Variants in APCDD1L observed in about 807,000 individuals in gnomAD.
APCDD1L encodes the protein protein APCDD1-like.
APCDD1L carries 21 observed loss-of-function variants against 24.2 expected under a neutral mutation model. The ratio of observed to expected loss-of-function variants is 0.87; its 90% confidence interval spans 0.61 to 1.25. The LOEUF is 1.25. Among genes scored for constraint, APCDD1L ranks in the 50% most tolerant of loss-of-function variants. The pLI is 0.00. For synonymous variants in APCDD1L, 321 were observed against 323.6 expected, an observed-to-expected ratio of 0.99 and a Z score of 0.09; for missense variants, 704 against 711.7, an observed-to-expected ratio of 0.99 and a Z score of 0.12.
At chr20:58,470,871 G>A (rs1989799918) in intron 1 of APCDD1L, 124 bp from the exon 2 acceptor site, 1 of 1,356,864 alleles carries the variant, frequency 7.4e-7, no homozygotes, top group Non-Finnish European at 9.7e-7. Context: ...CTCCATCGCA[G>A]CCCCGTCCCC....
rs1202926171 is a variant in APCDD1L at position 58,497,111 on chromosome 20, G to A, written c.49+17548C>T. On this transcript the variant is annotated intron_variant, in intron 1 of 3. Transcript: ENST00000371149. The surrounding 1 kb of genome is among the most constrained non-coding windows in gnomAD (Gnocchi z 4.3). ...CAGCTCGAGAAAGACAGGGCTCCAG[G>A]GTCAGCAGCGTGGACACCAGAGGTC... Among the ~76,000 whole-genome samples, 3 of 152,008 alleles carry A rather than the reference G, an allele frequency of 2.0e-5. No individual in the cohort carries two copies. The East Asian group carries it at 5.8e-4, about 29-fold the overall frequency.
At position 58,467,328 on chromosome 20, in the gene APCDD1L, C is replaced by A. The variant is rs1355390385; in HGVS notation, c.519G>T (p.Leu173=). 6.6e-7 allele frequency: 1 copy of A among 1,508,948 alleles called. No individual in the cohort carries two copies. The highest frequency in any genetic ancestry group is 2.1e-5 in the Admixed American group (1 of 47,454). The allele number at this position is 1,508,948 out of a possible 1,614,324, so 93.5% of individuals were successfully genotyped here. A position where few individuals can be genotyped will look rare whatever the true frequency, so the allele number is the denominator to read the frequency against. ...GAGCCCGGGCGCTCCGCAGCTCGTACAGCGCCCCAGGCAGCCAGGCCCGGG... is the reference window on the plus strand; with the variant it reads ...GAGCCCGGGCGCTCCGCAGCTCGTAAAGCGCCCCAGGCAGCCAGGCCCGGG... ...PPARAWLPGA[L]YELRSARAQG... is the part of the protein sequence containing the mutation. Residue 173 remains leucine (L), a synonymous_variant, in exon 3 of 4, where the codon CTG becomes CTT. Coordinates refer to ENST00000371149, the MANE Select transcript of APCDD1L (RefSeq NM_153360.3). This position sits in a 1 kb window ranked among gnomAD's most constrained non-coding sequence, Gnocchi z 5.9.
intron 1 of APCDD1L, among the ~76,000 whole-genome samples, chr20:58,490,226 G>T (rs1600864874): frequency 6.6e-6 from 1 of 152,008 alleles, no homozygotes; most frequent in Admixed American, 6.6e-5. Context: ...TAAGTTTTTA[G>T]GATTATCAAA....
chr20:58,483,560 A>G (rs1385692159), intron 1 of APCDD1L, among the ~76,000 whole-genome samples: 2 of 152,232 alleles, frequency 1.3e-5, no homozygotes, highest in Admixed American at 6.5e-5. Context: ...ATTTTAAAAA[A>G]TAAGTTAAGT....
chr20:58,509,527 C>T (rs73918405), intron 1 of APCDD1L, among the ~76,000 whole-genome samples: 3,701 of 152,214 alleles, frequency 0.024, 81 homozygotes, highest in African/African-American at 0.059. Flanking sequence ...TGTTGTAAGA[C>T]GGGACTAACA....
rs1033108678 is a variant in APCDD1L at position 58,494,274 on chromosome 20, T to TCTTTTCTTTTCTTA, written c.49+20371_49+20384dup. 7.6e-6 allele frequency among the ~76,000 whole-genome samples: 1 copy of TCTTTTCTTTTCTTA among 132,032 alleles called. No individual in the cohort carries two copies. Among genetic ancestry groups the TCTTTTCTTTTCTTA allele is most frequent in the East Asian group, 3.4e-4 (1 of 2,956 alleles). The allele number at this position is 132,032 out of a possible 152,430, so 86.6% of individuals were successfully genotyped here. ...GGTCAACTGCATTTCTTTTTTCTTTTCTTTTCTTTTCTTACTTTTCTTTTC... is the reference window on the plus strand; with the variant it reads ...GGTCAACTGCATTTCTTTTTTCTTTTCTTTTCTTTTCTTACTTTTCTTTTCTTACTTTTCTTTTC... On this transcript the variant is annotated intron_variant, in intron 1 of 3. Transcript: ENST00000371149. This position sits in a 1 kb window ranked among gnomAD's most constrained non-coding sequence, Gnocchi z 4.8.
chr20:58,511,752 T>G (rs1351760709), intron 1 of APCDD1L, among the ~76,000 whole-genome samples: 1 of 152,212 alleles, frequency 6.6e-6, no homozygotes, highest in Non-Finnish European at 1.5e-5. Context: ...ATTTTCTTCT[T>G]AGTTTTTATT....
In APCDD1L at chr20:58,460,545, T is replaced by C; in HGVS notation, c.*245A>G. On this transcript the variant is annotated 3_prime_UTR_variant, in exon 4 of 4. Transcript: ENST00000371149. The surrounding 1 kb of genome is among the most constrained non-coding windows in gnomAD (Gnocchi z 4.2). The stretch of plus-strand genomic sequence containing the variant: ...TGATCTTTAGAAACTCACGTAGCGA[T>C]GAACATCACTGCCGCATCCAAGTGC... 2.5e-6 allele frequency: 1 copy of C among 406,458 alleles called. No homozygotes were observed. Among genetic ancestry groups the C allele is most frequent in the Non-Finnish European group, 4.3e-6 (1 of 233,098 alleles). 25.2% of individuals were successfully genotyped at this position (406,458 alleles called of 1,614,324 possible). A position where few individuals can be genotyped will look rare whatever the true frequency, so the allele number is the denominator to read the frequency against.
Position 58,467,733 on chromosome 20 carries a change from G to A in APCDD1L, c.189-75C>T. On this transcript the variant is annotated intron_variant, in intron 2 of 3. Coordinates refer to ENST00000371149, the MANE Select transcript of APCDD1L (RefSeq NM_153360.3). The surrounding 1 kb of genome is among the most constrained non-coding windows in gnomAD (Gnocchi z 5.9). Reference sequence around the variant, plus strand: ...CGAGCCCCTCTCCCCTCTGGGCTGGGCTCCTTTCTCCCCCCCAGCCCTCCT... The same window carrying A: ...CGAGCCCCTCTCCCCTCTGGGCTGGACTCCTTTCTCCCCCCCAGCCCTCCT... 4 of 1,345,516 alleles carry A rather than the reference G, an allele frequency of 3.0e-6. No homozygotes were observed. Among genetic ancestry groups the A allele is most frequent in the Middle Eastern group, 2.7e-4 (1 of 3,662 alleles). The allele number at this position is 1,345,516 out of a possible 1,614,324, so 83.3% of individuals were successfully genotyped here.
chr20:58,468,507 A>G (rs1989758061), intron 2 of APCDD1L, among the ~76,000 whole-genome samples: 1 of 151,922 alleles, frequency 6.6e-6, no homozygotes, highest in South Asian at 2.1e-4. Flanking sequence ...AAGTCGGGGG[A>G]AAAATAGCAG....
intron 2 of APCDD1L, among the ~76,000 whole-genome samples, chr20:58,469,796 G>T (rs2123140011): frequency 6.6e-6 from 1 of 152,336 alleles, no homozygotes; most frequent in African/African-American, 2.4e-5. Flanking sequence ...GGTACAGGAA[G>T]GACACGGAGA....
At position 58,486,144 on chromosome 20, in the gene APCDD1L, G is replaced by C. The variant is rs144072363; in HGVS notation, c.50-15397C>G. ...CAGAAGCAAAAAATGAACATCTCAT[G>C]AATATCAGATATTGGAATTATCTAT... On this transcript the variant is annotated intron_variant, in intron 1 of 3. Transcript: ENST00000371149. 6.0e-4 allele frequency among the ~76,000 whole-genome samples: 92 copies of C among 152,184 alleles called. 1 individual carries two copies. The East Asian group carries it at 0.017, about 28-fold the overall frequency.
rs138336004 is a variant in APCDD1L, at chr20:58,513,123, C to A, written c.49+1536G>T. Among the ~76,000 whole-genome samples, 66 of 152,318 alleles carry A rather than the reference C, an allele frequency of 4.3e-4. No homozygotes were observed. The East Asian group carries it at 0.012, about 27-fold the overall frequency. On this transcript the variant is annotated intron_variant, in intron 1 of 3. Coordinates refer to ENST00000371149, the MANE Select transcript of APCDD1L (RefSeq NM_153360.3). Reference sequence around the variant, plus strand: ...GGTTCCTGGGGCATGTGTCCCACCACTCTAGACTGTTCCATTCCCACTGGG... The same window carrying A: ...GGTTCCTGGGGCATGTGTCCCACCAATCTAGACTGTTCCATTCCCACTGGG...
In APCDD1L at chr20:58,470,698, C is replaced by T; in HGVS notation, c.99G>A (p.Trp33Ter). The T allele has an allele frequency of 5.8e-6, 9 of 1,550,676 alleles. No individual in the cohort carries two copies. Among genetic ancestry groups the T allele is most frequent in the Non-Finnish European group, 7.8e-6 (9 of 1,148,542 alleles). ...GCAAGGGCTGCTGGCAGTGGGGTTC[C>T]CAGCGCAGGCAGCTGCCCCCGGCCT... is the stretch of plus-strand genomic sequence containing the variant. ...AGEAGGSCLR[W>*]EPHCQQPLPD... Residue 33 changes from tryptophan (W) to a stop codon, truncating the protein, a stop_gained, in exon 2 of 4, where the codon TGG (tryptophan) becomes TGA (stop). Transcript: ENST00000371149. LOFTEE classifies it high-confidence loss of function.
chr20:58,503,934 G>C (rs537291994), intron 1 of APCDD1L, among the ~76,000 whole-genome samples: 1 of 152,278 alleles, frequency 6.6e-6, no homozygotes, highest in East Asian at 1.9e-4. Flanking sequence ...CTTAGCTTCT[G>C]GTCACTGCCC....
At chr20:58,514,589 G>T (rs538862115) in intron 1 of APCDD1L, 70 bp downstream of exon 1, 3 of 1,265,572 alleles carry the variant, frequency 2.4e-6, no homozygotes, top group Non-Finnish European at 3.0e-6. Context: ...GCCCTTAGGG[G>T]ACATTAGACG....
At chr20:58,472,888 G>T (rs560726208) in intron 1 of APCDD1L, among the ~76,000 whole-genome samples, 85 of 152,286 alleles carry the variant, frequency 5.6e-4, no homozygotes, top group African/African-American at 1.9e-3. Flanking sequence ...CATGCAACTC[G>T]CCAGGAGTCC....
chr20:58,510,584 G>A (rs6064663), intron 1 of APCDD1L, among the ~76,000 whole-genome samples: 67,670 of 152,024 alleles, frequency 0.45, 17,164 homozygotes, highest in Admixed American at 0.58. Flanking sequence ...TGCCCACTTC[G>A]GCCTCCCAAA....
chr20:58,490,745 C>G (rs1265943669), intron 1 of APCDD1L, among the ~76,000 whole-genome samples: 1 of 152,188 alleles, frequency 6.6e-6, no homozygotes, highest in Non-Finnish European at 1.5e-5. Flanking sequence ...TTCTCACACT[C>G]TATATACCCT....
Sources: allele counts gnomAD v4.1 joint callset (sites outside exome capture counted in the v4.1 genomes callset), GRCh38; gene constraint gnomAD v4.1.1; non-coding constraint Gnocchi (gnomAD v3.1); transcripts MANE v1.5; gene names NCBI Gene and HGNC (gene_info 2026-07-23, HGNC 2026-07-21).